ELAVL4: variants seen among roughly 807,000 people sequenced by gnomAD.
ELAVL4 encodes ELAV like RNA binding protein 4, also known as ELAV-like protein 4.
ELAVL4 carries 1 observed loss-of-function variant against 35.6 expected under a neutral mutation model. The ratio of observed to expected loss-of-function variants is 0.03; its 90% CI spans 0.01 to 0.13. The LOEUF (loss-of-function observed/expected upper bound fraction) is 0.13. ELAVL4 is among the 10% of genes least tolerant of loss of function. The pLI is 1.00. For missense variants in ELAVL4, 267 were observed against 464.9 expected (o/e 0.57, Z 3.91); for synonymous variants, 156 against 171.0 (o/e 0.91, Z 0.69).
chr1:50,082,668 C>T (rs1447699014), intron 1 of ELAVL4, among the ~76,000 whole-genome samples: 1 of 152,152 alleles, frequency 6.6e-6, no homozygotes, highest in African/African-American at 2.4e-5. Flanking sequence ...TTTACCTATT[C>T]TCATCTATTG....
chr1:50,110,003 CTGTG>C (rs113726459), intron 1 of ELAVL4: 1,371 of 1,528,104 alleles, frequency 9.0e-4, no homozygotes, highest in Non-Finnish European at 1.0e-3. Context: ...GGTCCCAGCC[CTGTG>C]TGTGTGTGTG....
intron 3 of ELAVL4, among the ~76,000 whole-genome samples, chr1:50,186,057 T>TTTGA (rs1219581239): frequency 6.6e-6 from 1 of 151,986 alleles, no homozygotes; most frequent in Non-Finnish European, 1.5e-5. Context: ...TCTTTGATAA[T>TTTGA]TTGATAGATA....
intron 3 of ELAVL4, among the ~76,000 whole-genome samples, chr1:50,185,384 A>G (rs1681668794): frequency 6.6e-6 from 1 of 152,258 alleles, no homozygotes; most frequent in African/African-American, 2.4e-5. Flanking sequence ...CCAACAGTAT[A>G]ACTAACAAAT....
chr1:50,200,633 G>T (rs1471844488), intron 6 of ELAVL4, among the ~76,000 whole-genome samples: 6 of 152,244 alleles, frequency 3.9e-5, no homozygotes, highest in African/African-American at 1.4e-4. Flanking sequence ...ATTGACCTAG[G>T]TCTTTCTCTC....
intron 1 of ELAVL4, among the ~76,000 whole-genome samples, chr1:50,069,395 A>G (rs981320430): frequency 2.6e-5 from 4 of 152,172 alleles, no homozygotes; most frequent in Non-Finnish European, 5.9e-5. Flanking sequence ...TTGTCTCCCT[A>G]GATGTAGAAA....
intron 1 of ELAVL4, among the ~76,000 whole-genome samples, chr1:50,094,742 CAATA>C (rs60522222): frequency 0.1 from 13,530 of 135,460 alleles, 805 homozygotes; most frequent in Non-Finnish European, 0.14. Context: ...CCTGTCTCTA[CAATA>C]AATAAATAAA....
chr1:50,109,234 T>C (rs556122389), intron 1 of ELAVL4, 36 bp downstream of exon 1: 2 of 1,606,728 alleles, frequency 1.2e-6, no homozygotes, highest in South Asian at 2.2e-5. Flanking sequence ...GTTGTTTGTG[T>C]TGCTGGAGGG....
chr1:50,101,322 G>A (rs1665966053), upstream of ELAVL4, among the ~76,000 whole-genome samples: 2 of 152,212 alleles, frequency 1.3e-5, no homozygotes, highest in South Asian at 2.1e-4. Flanking sequence ...GACCCAATCA[G>A]GTACTCATCC....
At chr1:50,160,571 T>G (rs968589388) in intron 2 of ELAVL4, among the ~76,000 whole-genome samples, 1 of 152,210 alleles carries the variant, frequency 6.6e-6, no homozygotes, top group Non-Finnish European at 1.5e-5. Flanking sequence ...TGTCCATTTC[T>G]GCATTTCACA....
chr1:50,079,157 G>A (rs1453182967), intron 1 of ELAVL4, among the ~76,000 whole-genome samples: 2 of 152,038 alleles, frequency 1.3e-5, no homozygotes, highest in Admixed American at 6.6e-5. Context: ...GAACTCCTGG[G>A]CCCAAGAGAT....
At chr1:50,151,835 G>T (rs1341880355) in intron 2 of ELAVL4, among the ~76,000 whole-genome samples, 2 of 152,172 alleles carry the variant, frequency 1.3e-5, no homozygotes, top group Non-Finnish European at 2.9e-5. Context: ...GGAAGAGGGG[G>T]TTGGCTATTG....
chr1:50,191,312 T>A (rs1682629611), intron 3 of ELAVL4, among the ~76,000 whole-genome samples: 2 of 152,106 alleles, frequency 1.3e-5, no homozygotes, highest in South Asian at 4.1e-4. Flanking sequence ...CTTCTTTCAG[T>A]CCTTCCAGCC....
At chr1:50,161,170 C>T (rs904548885) in intron 2 of ELAVL4, among the ~76,000 whole-genome samples, 3 of 152,162 alleles carry the variant, frequency 2.0e-5, no homozygotes, top group African/African-American at 7.2e-5. Flanking sequence ...ACCTTTGTTT[C>T]ATGTGAGAGT....
At chr1:50,149,744 A>G (rs1036612508) in intron 2 of ELAVL4, among the ~76,000 whole-genome samples, 12 of 151,918 alleles carry the variant, frequency 7.9e-5, no homozygotes, top group Non-Finnish European at 1.3e-4. Flanking sequence ...GGGTTTCACC[A>G]TATTGGCCAG....
At chr1:50,049,669 G>A (rs1251040323) in intron 1 of ELAVL4, among the ~76,000 whole-genome samples, 1 of 152,144 alleles carries the variant, frequency 6.6e-6, no homozygotes, top group Non-Finnish European at 1.5e-5. Flanking sequence ...TCAACCATGA[G>A]CAAGTGGATG....
chr1:50,147,414 A>G (rs1350046017), intron 2 of ELAVL4, among the ~76,000 whole-genome samples: 1 of 152,202 alleles, frequency 6.6e-6, no homozygotes, highest in Non-Finnish European at 1.5e-5. Context: ...CCATAGATGC[A>G]GCATATTTCC....
intron 1 of ELAVL4, among the ~76,000 whole-genome samples, chr1:50,086,000 T>C (rs2148500742): frequency 6.6e-6 from 1 of 152,316 alleles, no homozygotes; most frequent in Non-Finnish European, 1.5e-5. Flanking sequence ...ACTGTTCATG[T>C]GTTTTGTCTG....
At chr1:50,151,262 C>A (rs1158615750) in intron 2 of ELAVL4, among the ~76,000 whole-genome samples, 1 of 152,142 alleles carries the variant, frequency 6.6e-6, no homozygotes, top group Admixed American at 6.5e-5. Context: ...AGCTTGTATA[C>A]CTAGGGAATG....
At chr1:50,154,522 C>T (rs115199392) in intron 2 of ELAVL4, among the ~76,000 whole-genome samples, 2,200 of 152,210 alleles carry the variant, frequency 0.014, 61 homozygotes, top group African/African-American at 0.05. Flanking sequence ...TTCCTATGGC[C>T]GCTAATGGAA....
Sources: gnomAD v4.1 joint callset for allele counts (sites outside exome capture counted in the v4.1 genomes callset) on GRCh38, gnomAD v4.1.1 for gene constraint, MANE v1.5 for transcripts, NCBI Gene and HGNC (gene_info 2026-07-23, HGNC 2026-07-21) for gene names.